CCNI: variants seen among roughly 807,000 people sequenced by gnomAD.
The protein encoded by CCNI is cyclin I.
A neutral mutation model predicts 34.1 loss-of-function variants in CCNI; 14 were observed. The ratio of observed to expected loss-of-function variants is 0.41; its 90% CI spans 0.27 to 0.64. CCNI has a LOEUF of 0.64. Among genes scored for constraint, CCNI ranks in the 30% least tolerant of loss-of-function variants. CCNI has a pLI of 0.31. For missense variants in CCNI, 385 were observed against 440.5 expected (o/e 0.87, Z 1.13); for synonymous variants, 154 against 158.4 (o/e 0.97, Z 0.21).
At chr4:77,064,395 T>G (rs1349309199) in intron 2 of CCNI, among the ~76,000 whole-genome samples, 1 of 152,072 alleles carries the variant, frequency 6.6e-6, no homozygotes, top group African/African-American at 2.4e-5. Flanking sequence ...AGGAAAGGAA[T>G]GGTCCTACAA....
chr4:77,064,998 C>T (rs1200802594), intron 2 of CCNI: 1 of 152,132 alleles, frequency 6.6e-6, no homozygotes, highest in Non-Finnish European at 1.5e-5. Context: ...CATTCTATTA[C>T]TTATTAAAGT....
chr4:77,052,967 A>AT (rs1727966939), intron 6 of CCNI, among the ~76,000 whole-genome samples: 1 of 152,160 alleles, frequency 6.6e-6, no homozygotes, highest in East Asian at 1.9e-4. Context: ...GCAATTATAT[A>AT]CTACATGGGG....
At chr4:77,055,548 C>T (rs554070315) in intron 5 of CCNI, among the ~76,000 whole-genome samples, 168 bp from the exon 6 acceptor site, 14 of 151,580 alleles carry the variant, frequency 9.2e-5, no homozygotes, top group Non-Finnish European at 1.6e-4. Context: ...CTGCAACATC[C>T]GCCTCCTGGA....
Position 77,048,607 on chromosome 4 carries a change from G to A in CCNI, c.746C>T (p.Thr249Ile), listed in dbSNP as rs748676262. The part of the protein sequence containing the change: ...CRELVAHHLS[T>I]LQSSLPLNSV... The stretch of plus-strand genomic sequence containing the variant: ...ATTCAGAGGCAGGGAAGACTGCAGA[G>A]TAGAAAGGTGATGTGCCACAAGCTC... The change falls in exon 7 of 7, where the codon ACT becomes ATT. Residue 249 changes from threonine (T) to isoleucine (I), a missense_variant. Physicochemically the swap from Thr to Ile is moderately conservative, Grantham distance 89. This residue lies in a region of CCNI where 250 missense variants were observed against 248.7 expected (regional missense o/e 1.01). Transcript: ENST00000237654. 1.3e-6 allele frequency: 2 copies of A among 1,589,370 alleles called. No individual in the cohort carries two copies. Among genetic ancestry groups the A allele is most frequent in the Admixed American group, 3.4e-5 (2 of 58,040 alleles).
chr4:77,049,118 A>T lies in CCNI; in HGVS notation c.691-456T>A, dbSNP rs1454267043. On this transcript the variant is annotated intron_variant, in intron 6 of 6. Transcript: ENST00000237654. Reference sequence around the variant, plus strand: ...GTAAGAAGCCAAAGGGCAAAAAAAAAATTTTTTTTAATCAGGGATGAGGAG... The same window carrying T: ...GTAAGAAGCCAAAGGGCAAAAAAAATATTTTTTTTAATCAGGGATGAGGAG... 2.0e-5 allele frequency among the ~76,000 whole-genome samples: 3 copies of T among 152,030 alleles called. No homozygotes were observed. In the East Asian group the frequency reaches 5.8e-4, roughly 29 times the overall value.
intron 2 of CCNI, among the ~76,000 whole-genome samples, chr4:77,061,052 T>A (rs896759505): frequency 3.3e-5 from 5 of 152,150 alleles, no homozygotes; most frequent in Admixed American, 6.5e-5. Flanking sequence ...AGCCACTATG[T>A]TTGGCCCATA....
At chr4:77,050,127 A>C (rs924106398) in intron 6 of CCNI, among the ~76,000 whole-genome samples, 1 of 152,156 alleles carries the variant, frequency 6.6e-6, no homozygotes, top group African/African-American at 2.4e-5. Flanking sequence ...ATGATGCACT[A>C]ATCTTCCCCT....
At chr4:77,048,919 C>T (rs1372515830) in intron 6 of CCNI, among the ~76,000 whole-genome samples, 1 of 141,878 alleles carries the variant, frequency 7.0e-6, no homozygotes, top group Non-Finnish European at 1.5e-5. Flanking sequence ...GTATGCTGAA[C>T]ATTTACATGA....
At position 77,066,422 on chromosome 4, in the gene CCNI, G is replaced by A. The variant is rs1430140908; in HGVS notation, c.-43-17C>T. ...TGTAGCTACCTACAGAATCAAGTAA[G>A]TTTTAAAATTAGTTATAGAATAAGT... is the stretch of plus-strand genomic sequence containing the variant. On this transcript the variant is annotated splice_polypyrimidine_tract_variant and intron_variant, in intron 1 of 6. Coordinates refer to ENST00000237654, the MANE Select transcript of CCNI (RefSeq NM_006835.3). The A allele has an allele frequency of 6.3e-7, 1 of 1,592,716 alleles. No individual in the cohort carries two copies. Among genetic ancestry groups the A allele is most frequent in the East Asian group, 2.2e-5 (1 of 44,676 alleles).
At chr4:77,053,156 A>C (rs1297609286) in intron 6 of CCNI, among the ~76,000 whole-genome samples, 1 of 152,154 alleles carries the variant, frequency 6.6e-6, no homozygotes, top group Admixed American at 6.5e-5. Flanking sequence ...CCGTTCTTCT[A>C]TTCTATATTC....
intron 2 of CCNI, among the ~76,000 whole-genome samples, chr4:77,060,631 T>TC (rs1457709039): frequency 6.7e-6 from 1 of 149,662 alleles, no homozygotes; most frequent in African/African-American, 2.5e-5. Context: ...GCTAATTTTT[T>TC]TTTTTTTTTT....
intron 1 of CCNI, among the ~76,000 whole-genome samples, chr4:77,067,484 T>C (rs1381715938): frequency 6.6e-6 from 1 of 151,980 alleles, no homozygotes; most frequent in African/African-American, 2.4e-5. Context: ...GAGAAATGTC[T>C]CTAGGTTTTA....
At chr4:77,064,581 G>GCGCGCACACACACACACACACACA (rs1728877132) in intron 2 of CCNI, 1 of 107,434 alleles carries the variant, frequency 9.3e-6, no homozygotes, top group Non-Finnish European at 1.9e-5. Context: ...ACATGCGCGC[G>GCGCGCACACACACACACACACACA]CGCGCACACA....
intron 6 of CCNI, 30 bp from the exon 7 acceptor site, chr4:77,048,692 C>CA: frequency 2.0e-6 from 3 of 1,472,648 alleles, no homozygotes; most frequent in Non-Finnish European, 2.7e-6. Context: ...AAGCCACACA[C>CA]AGTTGATCAT....
chr4:77,063,550 C>T (rs1296238665), intron 2 of CCNI, among the ~76,000 whole-genome samples: 2 of 151,884 alleles, frequency 1.3e-5, no homozygotes, highest in Admixed American at 6.6e-5. Context: ...ATTAGCCGGG[C>T]GTTGTGGCGG....
chr4:77,068,723 T>C (rs1282881122), intron 1 of CCNI, among the ~76,000 whole-genome samples: 4 of 150,630 alleles, frequency 2.7e-5, no homozygotes, highest in Admixed American at 6.6e-5. Context: ...AGAATTAACA[T>C]GTAAAAAGTT....
rs1462490474 is a variant in CCNI at position 77,075,713 on chromosome 4, G to C, written c.-285C>G. 7.1e-6 allele frequency: 2 copies of C among 282,266 alleles called. No individual in the cohort carries two copies. Among genetic ancestry groups the C allele is most frequent in the Non-Finnish European group, 1.1e-5 (2 of 186,870 alleles). The allele number at this position is 282,266 out of a possible 1,614,324, so 17.5% of individuals were successfully genotyped here. A position where few individuals can be genotyped will look rare whatever the true frequency, so the allele number is the denominator to read the frequency against. On this transcript the variant is annotated 5_prime_UTR_variant, in exon 1 of 7. Transcript: ENST00000237654. ...GGCCGCTGGGTCGGTCAGCGAATTA[G>C]TTCCATGATGACCCCCGGCCTGAGG...
rs1440603405 is a variant in CCNI, at chr4:77,048,081, G to GT, written c.*137dup. The stretch of plus-strand genomic sequence containing the variant: ...ATAATTAGCCACACAAATAATGAGA[G>GT]TTTTATTTTTTTTTTCTGGCTCACT... On this transcript the variant is annotated 3_prime_UTR_variant, in exon 7 of 7. Coordinates refer to ENST00000237654, the MANE Select transcript of CCNI (RefSeq NM_006835.3). 3.5e-6 allele frequency: 2 copies of GT among 571,310 alleles called. No homozygotes were observed. Among genetic ancestry groups the GT allele is most frequent in the East Asian group, 2.8e-5 (1 of 36,218 alleles). 35.4% of individuals were successfully genotyped at this position (571,310 alleles called of 1,614,324 possible).
In CCNI at chr4:77,075,529, G is replaced by A. The variant is rs1729867481; in HGVS notation, c.-101C>T. On this transcript the variant is annotated 5_prime_UTR_variant, in exon 1 of 7. Transcript: ENST00000237654. ...CGGCAGAGCTGTAGGCCTCACAGTGGTGACGCGGGGTCATCCGGGGGCCCG... is the reference window on the plus strand; with the variant it reads ...CGGCAGAGCTGTAGGCCTCACAGTGATGACGCGGGGTCATCCGGGGGCCCG... The A allele has an allele frequency of 1.0e-6, 1 of 988,570 alleles. No individual in the cohort carries two copies. Among genetic ancestry groups the A allele is most frequent in the Non-Finnish European group, 1.2e-6 (1 of 830,672 alleles). 61.2% of individuals were successfully genotyped at this position (988,570 alleles called of 1,614,324 possible).
Sources: gnomAD v4.1 joint callset for allele counts (sites outside exome capture counted in the v4.1 genomes callset) on GRCh38, gnomAD v4.1.1 for gene constraint, gnomAD v4.1.1 regional missense constraint, MANE v1.5 for transcripts, NCBI Gene and HGNC (gene_info 2026-07-23, HGNC 2026-07-21) for gene names.